SLIT3: variants seen among roughly 807,000 people sequenced by gnomAD.
The protein encoded by SLIT3 is slit guidance ligand 3.
SLIT3 carries 68 observed loss-of-function variants against 184.0 expected under a neutral mutation model. That is an observed-to-expected ratio of 0.37 (90% CI 0.30 to 0.45). The LOEUF (loss-of-function observed/expected upper bound fraction) is 0.45. Among genes scored for constraint, SLIT3 ranks in the 20% least tolerant of loss-of-function variants. The pLI is 1.00. For synonymous variants in SLIT3, 831 were observed against 828.6 expected, an observed-to-expected ratio of 1.00 and a Z score of -0.05; for missense variants, 1,707 against 2,026.0, an observed-to-expected ratio of 0.84 and a Z score of 3.02.
At chr5:168,997,330 C>T (rs1246493622) in intron 4 of SLIT3, among the ~76,000 whole-genome samples, 1 of 152,180 alleles carries the variant, frequency 6.6e-6, no homozygotes, top group Admixed American at 6.5e-5. Flanking sequence ...TTTCCTACCC[C>T]ATCCCCCCAC....
chr5:168,747,206 T>C (rs777236416), intron 20 of SLIT3, among the ~76,000 whole-genome samples: 61 of 152,308 alleles, frequency 4.0e-4, no homozygotes, highest in Non-Finnish European at 7.9e-4. Context: ...CCAGGGCAGC[T>C]TTCTCAGAGC....
intron 4 of SLIT3, among the ~76,000 whole-genome samples, chr5:169,165,153 G>T (rs897076831): frequency 1.3e-5 from 2 of 152,226 alleles, no homozygotes; most frequent in African/African-American, 2.4e-5. Flanking sequence ...GTAACTAAAG[G>T]CACCTGCCTT....
At chr5:168,958,160 A>G (rs967373156) in intron 4 of SLIT3, among the ~76,000 whole-genome samples, 1 of 152,192 alleles carries the variant, frequency 6.6e-6, no homozygotes, top group Non-Finnish European at 1.5e-5. Context: ...TTTACTCATC[A>G]TATATTTCAA....
intron 4 of SLIT3, among the ~76,000 whole-genome samples, chr5:169,140,246 C>T (rs926070652): frequency 6.4e-5 from 9 of 140,096 alleles, no homozygotes; most frequent in East Asian, 2.2e-4. Flanking sequence ...GGGCAGATCA[C>T]GAGGTCAGGA....
rs527512913 is a variant in SLIT3, at chr5:168,746,567, G to T, written c.2270+1735C>A. On this transcript the variant is annotated intron_variant, in intron 20 of 35. Coordinates refer to ENST00000519560, the MANE Select transcript of SLIT3 (RefSeq NM_003062.4). ...GGTGTGCGGTGGTGTGGGTGTGGTG[G>T]TGTGTGGTGGTGTGTGGTGTGTGAG... is the stretch of plus-strand genomic sequence containing the variant. Among the ~76,000 whole-genome samples the T allele has an allele frequency of 4.7e-4, 60 of 126,390 alleles. 1 individual carries two copies. Among genetic ancestry groups the T allele is most frequent in the African/African-American group, 1.8e-3 (58 of 32,538 alleles). The allele number at this position is 126,390 out of a possible 152,430, so 82.9% of individuals were successfully genotyped here.
At chr5:169,283,964 A>T (rs963220816) in intron 1 of SLIT3, among the ~76,000 whole-genome samples, 2 of 152,130 alleles carry the variant, frequency 1.3e-5, no homozygotes, top group Admixed American at 6.5e-5. Context: ...TTCCTAAGAG[A>T]GCTTCAGGTC....
intron 4 of SLIT3, among the ~76,000 whole-genome samples, chr5:169,123,581 T>C (rs910025994): frequency 1.3e-5 from 2 of 152,202 alleles, no homozygotes; most frequent in African/African-American, 4.8e-5. Context: ...CTTTACTTGA[T>C]AGGTGCCAAA....
chr5:168,791,120 T>C (rs532240353), intron 10 of SLIT3: 9 of 152,412 alleles, frequency 5.9e-5, no homozygotes, highest in Non-Finnish European at 1.3e-4. Context: ...CTAATCTCAC[T>C]TGCCCTCAGC....
Position 168,745,159 on chromosome 5 carries a change from C to T in SLIT3, c.2270+3143G>A, listed in dbSNP as rs1030700224. 2.6e-5 allele frequency among the ~76,000 whole-genome samples: 4 copies of T among 152,166 alleles called. 1 individual carries two copies. The highest frequency in any genetic ancestry group is 1.5e-5 in the Non-Finnish European group (1 of 68,034). On this transcript the variant is annotated intron_variant, in intron 20 of 35. Transcript: ENST00000519560. ...AAGACTTCAGTGGAGGAAGTAGCTGCAGATATGGTGAAAATAGTGAGAACT... is the reference window on the plus strand; with the variant it reads ...AAGACTTCAGTGGAGGAAGTAGCTGTAGATATGGTGAAAATAGTGAGAACT...
intron 7 of SLIT3, among the ~76,000 whole-genome samples, chr5:168,820,819 C>A (rs1332159739): frequency 6.6e-6 from 1 of 152,140 alleles, no homozygotes; most frequent in African/African-American, 2.4e-5. Context: ...CCAGCAAATC[C>A]TTTTAGAGAG....
intron 28 of SLIT3, among the ~76,000 whole-genome samples, chr5:168,693,073 A>G (rs1275369488): frequency 6.6e-6 from 1 of 152,162 alleles, no homozygotes; most frequent in Non-Finnish European, 1.5e-5. Context: ...TTATTTACTG[A>G]GCACCTCCTG....
intron 1 of SLIT3, among the ~76,000 whole-genome samples, chr5:169,262,293 A>C (rs1766219299): frequency 6.6e-6 from 1 of 152,196 alleles, no homozygotes. Flanking sequence ...GTACAGGGTG[A>C]GGTGAAGAGA....
intron 3 of SLIT3, among the ~76,000 whole-genome samples, chr5:169,229,630 T>C (rs186898333): frequency 7.0e-6 from 1 of 143,750 alleles, no homozygotes; most frequent in African/African-American, 2.8e-5. Flanking sequence ...GCGTACTTAG[T>C]CAAATAAATT....
intron 4 of SLIT3, among the ~76,000 whole-genome samples, chr5:168,981,073 T>A (rs1245767774): frequency 6.6e-6 from 1 of 152,250 alleles, no homozygotes; most frequent in African/African-American, 2.4e-5. Flanking sequence ...GATATTTTTT[T>A]AAATAAGAAT....
intron 4 of SLIT3, among the ~76,000 whole-genome samples, chr5:169,084,289 CT>C (rs537953841): frequency 2.0e-3 from 274 of 140,128 alleles, no homozygotes; most frequent in Middle Eastern, 3.7e-3. Context: ...TTTTTCTTTT[CT>C]TTTTTTTTTT....
chr5:168,854,518 G>A (rs1758789126), intron 5 of SLIT3, among the ~76,000 whole-genome samples: 1 of 152,168 alleles, frequency 6.6e-6, no homozygotes, highest in South Asian at 2.1e-4. Context: ...CACCTTGAGA[G>A]GATGCTTCAA....
chr5:168,793,297 G>A (rs1319156032), intron 10 of SLIT3, among the ~76,000 whole-genome samples: 2 of 151,892 alleles, frequency 1.3e-5, no homozygotes, highest in Middle Eastern at 3.2e-3. Context: ...TTCAGTCACA[G>A]TTGAGGGGGA....
At chr5:168,735,418 G>A (rs1038797481) in intron 20 of SLIT3, among the ~76,000 whole-genome samples, 3 of 152,148 alleles carry the variant, frequency 2.0e-5, no homozygotes, top group Non-Finnish European at 2.9e-5. Flanking sequence ...CAGCTCAGGG[G>A]TCAGGCAGCT....
chr5:169,035,888 T>G (rs922967896), intron 4 of SLIT3, among the ~76,000 whole-genome samples: 1 of 152,126 alleles, frequency 6.6e-6, no homozygotes, highest in Non-Finnish European at 1.5e-5. Flanking sequence ...CGTAGAGTCT[T>G]GAATCCTGTT....
Sources: allele counts gnomAD v4.1 joint callset (sites outside exome capture counted in the v4.1 genomes callset), GRCh38; gene constraint gnomAD v4.1.1; transcripts MANE v1.5; gene names NCBI Gene and HGNC (gene_info 2026-07-23, HGNC 2026-07-21).